The following LGSN variants were observed in gnomAD, a reference collection of about 807,000 sequenced individuals.
LGSN encodes the protein lengsin, lens protein with glutamine synthetase domain, also known as lengsin.
In LGSN, 21 loss-of-function variants were observed where a neutral mutation model predicts 19.5. That is an observed-to-expected ratio of 1.07 (90% CI 0.76 to 1.55). The LOEUF is 1.55. Ranked by LOEUF, LGSN falls within the 40% of genes most tolerant of loss-of-function variation. The pLI, the probability that LGSN is intolerant of heterozygous loss-of-function variation, is 0.00. For synonymous variants in LGSN, 257 were observed against 215.6 expected (o/e 1.19, Z -1.68); for missense variants, 673 against 608.5 (o/e 1.11, Z -1.12).
chr6:63,428,508 TG>T, the LGSN span, among the ~76,000 whole-genome samples: 1 of 151,748 alleles, frequency 6.6e-6, no homozygotes, highest in African/African-American at 2.4e-5. Flanking sequence ...TGCACCACCA[TG>T]CCCAGCTAAT....
the LGSN span, chr6:63,549,602 A>G: frequency 3.5e-6 from 2 of 566,422 alleles, no homozygotes; most frequent in South Asian, 2.4e-5. Flanking sequence ...TGTGATATAT[A>G]TACACAATGG....
the LGSN span, among the ~76,000 whole-genome samples, chr6:63,409,408 A>G: frequency 2.0e-5 from 3 of 152,188 alleles, no homozygotes; most frequent in Non-Finnish European, 4.4e-5. Flanking sequence ...GTATTTTAAG[A>G]AATTTTTACA....
At chr6:63,508,270 A>T in the LGSN span, among the ~76,000 whole-genome samples, 23 of 152,330 alleles carry the variant, frequency 1.5e-4, no homozygotes, top group African/African-American at 5.0e-4. Flanking sequence ...TTCCTCAAAA[A>T]CAACTTCCTA....
the LGSN span, among the ~76,000 whole-genome samples, chr6:63,338,573 T>C: frequency 6.6e-6 from 1 of 152,298 alleles, no homozygotes; most frequent in East Asian, 1.9e-4. Context: ...CTAATTTTAC[T>C]TATTTGGGTC....
At chr6:63,428,445 A>G in the LGSN span, among the ~76,000 whole-genome samples, 3 of 152,130 alleles carry the variant, frequency 2.0e-5, no homozygotes, top group African/African-American at 7.2e-5. Flanking sequence ...TCCGCCTCCT[A>G]GGTTCAAGCA....
chr6:63,362,896 T>G, the LGSN span, among the ~76,000 whole-genome samples: 1 of 152,182 alleles, frequency 6.6e-6, no homozygotes, highest in Non-Finnish European at 1.5e-5. Context: ...ACAGACTGCC[T>G]CCTCAAGTGG....
the LGSN span, among the ~76,000 whole-genome samples, chr6:63,557,213 G>A: frequency 6.6e-6 from 1 of 152,130 alleles, no homozygotes; most frequent in Admixed American, 6.6e-5. Flanking sequence ...AAGGTACAAT[G>A]GAAGTACAGG....
chr6:63,503,472 C>T, the LGSN span, among the ~76,000 whole-genome samples: 1 of 152,192 alleles, frequency 6.6e-6, no homozygotes. Flanking sequence ...AGGACTCGCC[C>T]CGGAATAGAT....
At chr6:63,330,228 C>G in the LGSN span, among the ~76,000 whole-genome samples, 1 of 152,240 alleles carries the variant, frequency 6.6e-6, no homozygotes, top group Non-Finnish European at 1.5e-5. Context: ...GTAAACCACA[C>G]TGATAATAAG....
the LGSN span, among the ~76,000 whole-genome samples, chr6:63,536,104 G>A: frequency 2.6e-5 from 4 of 151,878 alleles, no homozygotes; most frequent in East Asian, 2.0e-4. Context: ...GGCCGAGGCC[G>A]GTGCATCACC....
At chr6:63,557,895 C>CT in the LGSN span, among the ~76,000 whole-genome samples, 160 of 144,852 alleles carry the variant, frequency 1.1e-3, no homozygotes, top group South Asian at 2.2e-3. Flanking sequence ...TGAACATATG[C>CT]TTTTTTTTTT....
chr6:63,527,234 A>G, the LGSN span, among the ~76,000 whole-genome samples: 1 of 152,172 alleles, frequency 6.6e-6, no homozygotes, highest in Non-Finnish European at 1.5e-5. Context: ...TTATGTGCAC[A>G]TTTTAAACAG....
At chr6:63,394,730 G>T in the LGSN span, among the ~76,000 whole-genome samples, 5 of 152,162 alleles carry the variant, frequency 3.3e-5, no homozygotes, top group Non-Finnish European at 7.3e-5. Context: ...CTCTCTTGGG[G>T]TCTGGATCAG....
At chr6:63,472,230 T>C in the LGSN span, among the ~76,000 whole-genome samples, 1 of 152,194 alleles carries the variant, frequency 6.6e-6, no homozygotes, top group African/African-American at 2.4e-5. Context: ...CAGCCTACAT[T>C]TGGTTGAATC....
the LGSN span, among the ~76,000 whole-genome samples, chr6:63,423,144 G>C: frequency 6.6e-6 from 1 of 152,056 alleles, no homozygotes; most frequent in Non-Finnish European, 1.5e-5. Context: ...TTTAGGAGTT[G>C]AAGACCAGCT....
the LGSN span, among the ~76,000 whole-genome samples, chr6:63,553,107 G>C: frequency 4.6e-5 from 7 of 152,126 alleles, no homozygotes; most frequent in African/African-American, 1.7e-4. Context: ...GTATATCTGT[G>C]TATATTGATT....
the LGSN span, among the ~76,000 whole-genome samples, chr6:63,346,435 G>A: frequency 3.3e-5 from 5 of 151,816 alleles, no homozygotes; most frequent in African/African-American, 1.2e-4. Context: ...ACATGGAGAT[G>A]CTGAGCCCTG....
At chr6:63,385,092 A>G in the LGSN span, among the ~76,000 whole-genome samples, 5 of 152,248 alleles carry the variant, frequency 3.3e-5, no homozygotes, top group Non-Finnish European at 7.3e-5. Context: ...TAGGAAGCTC[A>G]GCCTGTGGTA....
the LGSN span, among the ~76,000 whole-genome samples, chr6:63,424,255 T>C: frequency 6.8e-4 from 104 of 151,902 alleles, no homozygotes; most frequent in African/African-American, 2.5e-3. Flanking sequence ...ATAAAATAAA[T>C]AAACTACCAA....
Sources: gnomAD v4.1 joint callset for allele counts (sites outside exome capture counted in the v4.1 genomes callset) on GRCh38, gnomAD v4.1.1 for gene constraint, MANE v1.5 for transcripts, NCBI Gene and HGNC (gene_info 2026-07-23, HGNC 2026-07-21) for gene names.